Variants in MCTP1 observed in about 807,000 individuals in gnomAD.
MCTP1 encodes the protein multiple C2 and transmembrane domain-containing protein 1.
In MCTP1, 69 loss-of-function variants were observed where a neutral mutation model predicts 120.6. That is an observed-to-expected ratio of 0.57 (90% CI 0.47 to 0.70). The LOEUF (loss-of-function observed/expected upper bound fraction) is 0.70, where lower values mean the gene tolerates loss of function less well. Ranked by LOEUF, MCTP1 falls within the 30% of genes least tolerant of loss-of-function variation. MCTP1 has a pLI of 0.00. For missense variants in MCTP1, 1,203 were observed against 1,248.8 expected (o/e 0.96, Z 0.55); for synonymous variants, 529 against 493.1 (o/e 1.07, Z -0.96).
intron 2 of MCTP1, among the ~76,000 whole-genome samples, chr5:95,001,080 C>G (rs1833590644): frequency 6.6e-6 from 1 of 152,212 alleles, no homozygotes; most frequent in African/African-American, 2.4e-5. Flanking sequence ...GTTTTATATG[C>G]ATCTGGCATT....
At chr5:95,158,442 G>C (rs1427038998) in intron 1 of MCTP1, among the ~76,000 whole-genome samples, 1 of 152,156 alleles carries the variant, frequency 6.6e-6, no homozygotes, top group African/African-American at 2.4e-5. Flanking sequence ...GGCTGTGATG[G>C]CTTTTTAAAT....
chr5:95,247,857 T>C (rs1756973098), intron 1 of MCTP1, among the ~76,000 whole-genome samples: 2 of 152,210 alleles, frequency 1.3e-5, no homozygotes, highest in Admixed American at 1.3e-4. Context: ...CTGAGAAGAA[T>C]GTATGATCTG....
rs1785192050 is a variant in MCTP1, at chr5:94,819,459, TCTG to T, written c.2437-20330_2437-20328del. On this transcript the variant is annotated intron_variant, in intron 17 of 22. Transcript: ENST00000515393. ...CTACTTCAAATTTATACTCCTTGTC[TCTG>T]ATTGGCTTCCCTTAGCACTCTTCAG... Among the ~76,000 whole-genome samples, 3 of 152,130 alleles carry T rather than the reference TCTG, an allele frequency of 2.0e-5. No individual in the cohort carries two copies. The South Asian group carries it at 6.2e-4, about 32-fold the overall frequency.
chr5:94,822,906 T>A lies in MCTP1; in HGVS notation c.2437-23774A>T, dbSNP rs150551811. On this transcript the variant is annotated intron_variant, in intron 17 of 22. Coordinates refer to ENST00000515393, the MANE Select transcript of MCTP1 (RefSeq NM_024717.7). ...TTCATCCACTTTTTGATGGGGTTTT[T>A]TCTTGTAAATTTGTGTAGGCTTCTT... Among the ~76,000 whole-genome samples, 491 of 152,326 alleles carry A rather than the reference T, an allele frequency of 3.2e-3. 5 individuals carry two copies. The highest frequency in any genetic ancestry group is 0.011 in the African/African-American group (472 of 41,568).
At chr5:95,079,762 T>C (rs1014658629) in intron 1 of MCTP1, among the ~76,000 whole-genome samples, 1 of 151,944 alleles carries the variant, frequency 6.6e-6, no homozygotes, top group African/African-American at 2.4e-5. Context: ...ATGGTGATCA[T>C]GTTTTGAATT....
intron 1 of MCTP1, among the ~76,000 whole-genome samples, chr5:95,203,354 G>A (rs1253230735): frequency 6.6e-6 from 1 of 152,178 alleles, no homozygotes; most frequent in Non-Finnish European, 1.5e-5. Context: ...GAACCTCTGA[G>A]TGACCTTATC....
chr5:95,010,439 T>C (rs562322015), intron 2 of MCTP1, among the ~76,000 whole-genome samples: 2 of 152,298 alleles, frequency 1.3e-5, no homozygotes, highest in South Asian at 2.1e-4. Context: ...ATTATATGTA[T>C]ATAAATTCGC....
chr5:94,869,674 T>C (rs1797475541), intron 16 of MCTP1, among the ~76,000 whole-genome samples: 1 of 152,106 alleles, frequency 6.6e-6, no homozygotes, highest in South Asian at 2.1e-4. Flanking sequence ...CATAAATATG[T>C]TCAGTAAACA....
intron 10 of MCTP1, among the ~76,000 whole-genome samples, chr5:94,897,976 G>A (rs1000477026): frequency 1.3e-5 from 2 of 152,096 alleles, no homozygotes; most frequent in African/African-American, 4.8e-5. Context: ...GAAGAAGGCT[G>A]TAAGTTATTG....
intron 18 of MCTP1, among the ~76,000 whole-genome samples, chr5:94,794,575 C>A (rs551316805): frequency 6.6e-6 from 1 of 152,300 alleles, no homozygotes; most frequent in East Asian, 1.9e-4. Flanking sequence ...CAACAGGGCA[C>A]AATTGGGTTC....
intron 19 of MCTP1, among the ~76,000 whole-genome samples, chr5:94,745,821 C>T (rs1205587727): frequency 1.3e-5 from 2 of 152,348 alleles, no homozygotes; most frequent in East Asian, 3.9e-4. Flanking sequence ...TAATTTTCCT[C>T]ATGCAATAGG....
At chr5:95,097,847 T>C (rs1304893343) in intron 1 of MCTP1, among the ~76,000 whole-genome samples, 2 of 152,186 alleles carry the variant, frequency 1.3e-5, no homozygotes, top group African/African-American at 4.8e-5. Context: ...GTCCAACAAC[T>C]GGGGTCATGG....
intron 1 of MCTP1, among the ~76,000 whole-genome samples, chr5:95,233,856 T>C (rs1755237514): frequency 6.6e-6 from 1 of 151,460 alleles, no homozygotes; most frequent in Non-Finnish European, 1.5e-5. Context: ...GCAACTTAAA[T>C]CCAACGTAAG....
chr5:94,742,427 T>C (rs1765735331), intron 19 of MCTP1, among the ~76,000 whole-genome samples: 1 of 152,140 alleles, frequency 6.6e-6, no homozygotes, highest in African/African-American at 2.4e-5. Flanking sequence ...TGATACTAAG[T>C]AAATGAAGTA....
intron 2 of MCTP1, among the ~76,000 whole-genome samples, chr5:94,957,740 C>G (rs1823001286): frequency 6.6e-6 from 1 of 152,240 alleles, no homozygotes; most frequent in East Asian, 1.9e-4. Flanking sequence ...TATATATGCA[C>G]CCAATACAAG....
chr5:95,265,576 C>T (rs1463949721), intron 1 of MCTP1, among the ~76,000 whole-genome samples: 1 of 152,158 alleles, frequency 6.6e-6, no homozygotes, highest in African/African-American at 2.4e-5. Flanking sequence ...AAGAAGTGAA[C>T]AGAGAGCTGA....
intron 1 of MCTP1, among the ~76,000 whole-genome samples, chr5:95,077,405 T>C (rs1026360207): frequency 2.0e-5 from 3 of 152,156 alleles, no homozygotes; most frequent in Admixed American, 6.5e-5. Context: ...TGTGTGTAAA[T>C]ATATATGTAT....
At position 95,131,652 on chromosome 5, in the gene MCTP1, TATTTC is replaced by T. The variant is rs371855023; in HGVS notation, c.721-114173_721-114169del. 3.4e-3 allele frequency among the ~76,000 whole-genome samples: 523 copies of T among 152,322 alleles called. 7 individuals are homozygous for T. Among genetic ancestry groups the T allele is most frequent in the African/African-American group, 0.012 (500 of 41,564 alleles). ...TAACATAATTTATGATTTCTTTACT[TATTTC>T]ATTTACTCTTTATCTCTCTATATGA... is the stretch of plus-strand genomic sequence containing the variant. On this transcript the variant is annotated intron_variant, in intron 1 of 22. Transcript: ENST00000515393.
At chr5:94,953,872 A>ACT (rs1554150788) in intron 2 of MCTP1, among the ~76,000 whole-genome samples, 1 of 88,142 alleles carries the variant, frequency 1.1e-5, no homozygotes, top group South Asian at 3.3e-4. Flanking sequence ...TATATATACA[A>ACT]ATATATATGC....
Sources: gnomAD v4.1 joint callset for allele counts (sites outside exome capture counted in the v4.1 genomes callset) on GRCh38, gnomAD v4.1.1 for gene constraint, MANE v1.5 for transcripts, NCBI Gene and HGNC (gene_info 2026-07-23, HGNC 2026-07-21) for gene names.